Variants in EIF1AX observed in about 807,000 individuals in gnomAD.
EIF1AX encodes eukaryotic translation initiation factor 1A X-linked.
A neutral mutation model predicts 16.1 loss-of-function variants in EIF1AX; 1 was observed. The ratio of observed to expected loss-of-function variants is 0.06; its 90% CI spans 0.02 to 0.30. The LOEUF (loss-of-function observed/expected upper bound fraction) is 0.30, where lower values mean the gene tolerates loss of function less well. Among genes scored for constraint, EIF1AX ranks in the 10% least tolerant of loss-of-function variants. The pLI is 1.00. For missense variants in EIF1AX, 11 were observed against 109.1 expected (o/e 0.10, Z 4.00); for synonymous variants, 32 against 37.3 (o/e 0.86, Z 0.51).
intron 4 of EIF1AX, among the ~76,000 whole-genome samples, chrX:20,133,512 T>G (rs920489686): frequency 3.4e-5 from 3 of 87,027 alleles, no homozygotes; most frequent in Non-Finnish European, 4.3e-5. Flanking sequence ...TTATTCTGGG[T>G]TTTTTTTTTT....
At chrX:20,137,068 AAT>A (rs770515654) in intron 2 of EIF1AX, among the ~76,000 whole-genome samples, 1 of 111,951 alleles carries the variant, frequency 8.9e-6, no homozygotes, top group African/African-American at 3.2e-5. Flanking sequence ...TATATAAGAA[AAT>A]ATACTTGCAC....
Position 20,130,613 on chromosome X carries a change from G to T in EIF1AX, c.338-6C>A. 8.4e-7 allele frequency: 1 copy of T among 1,185,308 alleles called. No homozygotes were observed. Among genetic ancestry groups the T allele is most frequent in the South Asian group, 1.9e-5 (1 of 51,690 alleles). On this transcript the variant is annotated splice_polypyrimidine_tract_variant and splice_region_variant and intron_variant, in intron 5 of 6. Transcript: ENST00000379607. ...ATCAGTTTCATTGATTTTAGCTAAG[G>T]ACACAGTAAGAAATACTCATAAGTC...
rs758772869 is a variant in EIF1AX, at chrX:20,136,231, G to GCA, written c.101-392_101-391dup. On this transcript the variant is annotated intron_variant, in intron 2 of 6. Transcript: ENST00000379607. ...GCTACCTTTATAAACACGTGTGCGTGCACACACACACACACCCCCCACACA... is the reference window on the plus strand; with the variant it reads ...GCTACCTTTATAAACACGTGTGCGTGCACACACACACACACACCCCCCACACA... The GCA allele has an allele frequency of 1.7e-3, 548 of 327,442 alleles. 1 individual carries two copies. The highest frequency in any genetic ancestry group is 4.2e-3 in the Middle Eastern group (6 of 1,417). The allele number at this position is 327,442 out of a possible 1,213,427, so 27.0% of individuals were successfully genotyped here.
chrX:20,135,875 T>C (rs772574260), intron 2 of EIF1AX, 34 bp from the exon 3 acceptor site: 10 of 1,046,640 alleles, frequency 9.6e-6, no homozygotes, highest in South Asian at 7.6e-5. Flanking sequence ...TATGGAATAT[T>C]GTTCAACTTT....
At chrX:20,135,999 A>C in intron 2 of EIF1AX, 158 bp from the exon 3 acceptor site, 2 of 439,629 alleles carry the variant, frequency 4.5e-6, no homozygotes, top group South Asian at 7.1e-5. Flanking sequence ...GATAAACATC[A>C]AGTTAGTTAA....
At chrX:20,129,075 C>T (rs1056873374) in intron 6 of EIF1AX, among the ~76,000 whole-genome samples, 1 of 110,980 alleles carries the variant, frequency 9.0e-6, no homozygotes, top group Non-Finnish European at 1.9e-5. Context: ...ATATTAGTAA[C>T]AGTTTAGTCG....
Position 20,136,076 on chromosome X carries a change from T to C in EIF1AX, c.101-235A>G, listed in dbSNP as rs778182011. On this transcript the variant is annotated intron_variant, in intron 2 of 6. Transcript: ENST00000379607. Reference sequence around the variant, plus strand: ...TTTCTTTCTTTTTTCTGAGCTCAGGTCAAGTGTAGAAAACTTCATAGTTAC... The same window carrying C: ...TTTCTTTCTTTTTTCTGAGCTCAGGCCAAGTGTAGAAAACTTCATAGTTAC... 5.6e-5 allele frequency: 19 copies of C among 340,855 alleles called. 1 individual carries two copies. Among genetic ancestry groups the C allele is most frequent in the African/African-American group, 5.0e-4 (19 of 38,036 alleles). The allele number at this position is 340,855 out of a possible 1,213,427, so 28.1% of individuals were successfully genotyped here. A position where few individuals can be genotyped will look rare whatever the true frequency, so the allele number is the denominator to read the frequency against.
chrX:20,130,444 G>A (rs2066998046), intron 6 of EIF1AX, 72 bp downstream of exon 6: 2 of 1,035,399 alleles, frequency 1.9e-6, no homozygotes, highest in Admixed American at 7.0e-5. Context: ...TAAAATTAAT[G>A]GATGTTAGGG....
At position 20,141,749 on chromosome X, in the gene EIF1AX, T is replaced by G; in HGVS notation, c.-109A>C. ...GAGGGAGCGCGCGGGACCAAGTAGG[T>G]GCTGGAGGCCAGGCAACGTGCGCGG... On this transcript the variant is annotated 5_prime_UTR_variant, in exon 1 of 7. Transcript: ENST00000379607. The G allele has an allele frequency of 1.2e-6, 1 of 800,465 alleles. No homozygotes were observed. The highest frequency in any genetic ancestry group is 1.7e-6 in the Non-Finnish European group (1 of 578,285). The allele number at this position is 800,465 out of a possible 1,213,427, so 66.0% of individuals were successfully genotyped here. A position where few individuals can be genotyped will look rare whatever the true frequency, so the allele number is the denominator to read the frequency against.
At chrX:20,133,541 C>T (rs1258452260) in intron 4 of EIF1AX, among the ~76,000 whole-genome samples, 15 of 108,046 alleles carry the variant, frequency 1.4e-4, no homozygotes, top group Middle Eastern at 4.8e-3. Flanking sequence ...AAAGTATGAT[C>T]GAGGCTATAC....
At chrX:20,133,268 A>G (rs2067006190) in intron 4 of EIF1AX, among the ~76,000 whole-genome samples, 1 of 111,353 alleles carries the variant, frequency 9.0e-6, no homozygotes, top group Admixed American at 9.6e-5. Flanking sequence ...AATGGTATGA[A>G]TTTAAAGCAA....
At chrX:20,131,404 G>C (rs1337055897) in intron 5 of EIF1AX, among the ~76,000 whole-genome samples, 2 of 111,138 alleles carry the variant, frequency 1.8e-5, no homozygotes, top group Non-Finnish European at 3.8e-5. Context: ...AGGCAGAGGT[G>C]GGTGGATCAT....
At chrX:20,134,880 G>C (rs2067011539) in intron 3 of EIF1AX, among the ~76,000 whole-genome samples, 1 of 112,471 alleles carries the variant, frequency 8.9e-6, no homozygotes, top group South Asian at 3.6e-4. Flanking sequence ...TAACTACTGT[G>C]ATGGTGAATT....
intron 1 of EIF1AX, among the ~76,000 whole-genome samples, chrX:20,141,234 G>A (rs866138645): frequency 9.0e-6 from 1 of 111,504 alleles, no homozygotes. Flanking sequence ...TGAAAGTTCA[G>A]AACGGCTTCC....
chrX:20,131,040 G>A (rs1603414973), intron 5 of EIF1AX, among the ~76,000 whole-genome samples: 1 of 111,908 alleles, frequency 8.9e-6, no homozygotes, highest in East Asian at 2.8e-4. Flanking sequence ...GATCAGAAAT[G>A]CTAAGTAATT....
intron 6 of EIF1AX, 87 bp downstream of exon 6, chrX:20,130,429 G>A: frequency 2.1e-6 from 2 of 934,816 alleles, no homozygotes; most frequent in Non-Finnish European, 2.7e-6. Context: ...AGTGTCCCAT[G>A]TTCTTAAAAT....
rs758358275 is a variant in EIF1AX at position 20,131,679 on chromosome X, G to GTTT, written c.337+500_337+502dup. ...CCTAATTACTTGCCCTTGCTTCATG[G>GTTT]TTTTTTTTTTTTTTTTTTTTTAATT... On this transcript the variant is annotated intron_variant, in intron 5 of 6. Transcript: ENST00000379607. 5.8e-5 allele frequency among the ~76,000 whole-genome samples: 5 copies of GTTT among 85,828 alleles called. No individual in the cohort carries two copies. In the East Asian group the frequency reaches 1.4e-3, roughly 25 times the overall value. The allele number at this position is 85,828 out of a possible 115,157, so 74.5% of individuals were successfully genotyped here. A position where few individuals can be genotyped will look rare whatever the true frequency, so the allele number is the denominator to read the frequency against.
At chrX:20,135,174 C>G (rs1238165022) in intron 3 of EIF1AX, among the ~76,000 whole-genome samples, 2 of 103,280 alleles carry the variant, frequency 1.9e-5, no homozygotes, top group African/African-American at 7.2e-5. Context: ...TGGCTGGGTA[C>G]AGTGGCTCAT....
intron 4 of EIF1AX, among the ~76,000 whole-genome samples, chrX:20,133,082 A>C (rs751514087): frequency 1.8e-5 from 2 of 111,658 alleles, no homozygotes; most frequent in African/African-American, 3.2e-5. Context: ...TGTAAGTAGG[A>C]GGGGCACGGA....
Sources: allele counts gnomAD v4.1 joint callset (sites outside exome capture counted in the v4.1 genomes callset), GRCh38; gene constraint gnomAD v4.1.1; transcripts MANE v1.5; gene names NCBI Gene and HGNC (gene_info 2026-07-23, HGNC 2026-07-21).